MX2: variants seen among roughly 807,000 people sequenced by gnomAD.
MX2 encodes the protein MX dynamin like GTPase 2.
MX2 carries 51 observed loss-of-function variants against 74.0 expected under a neutral mutation model. The ratio of observed to expected loss-of-function variants is 0.69; its 90% CI spans 0.55 to 0.87. The LOEUF (loss-of-function observed/expected upper bound fraction) is 0.87, where lower values mean the gene tolerates loss of function less well. Among genes scored for constraint, MX2 ranks in the 40% least tolerant of loss-of-function variants. The pLI is 0.00. For missense variants in MX2, 832 were observed against 908.7 expected (o/e 0.92, Z 1.09); for synonymous variants, 369 against 339.3 (o/e 1.09, Z -0.96).
At position 41,406,818 on chromosome 21, in the gene MX2, G is replaced by A. The variant is rs2089892189; in HGVS notation, c.1725G>A (p.Glu575=). The A allele has an allele frequency of 6.2e-7, 1 of 1,614,242 alleles. No homozygotes were observed. The highest frequency in any genetic ancestry group is 8.5e-7 in the Non-Finnish European group (1 of 1,180,042). Residue 575 remains glutamate, a synonymous_variant, in exon 13 of 14, where the codon GAG becomes GAA. Transcript: ENST00000330714. ...TGATCCAACTTCAGTTCAGAATGGA[G>A]CAGATGGTTTTTTGTCAAGATCAGA... is the stretch of plus-strand genomic sequence containing the variant. The part of the protein sequence containing the change: ...ENMIQLQFRM[E]QMVFCQDQIY...
chr21:41,406,196 C>T (rs187302563), intron 12 of MX2, among the ~76,000 whole-genome samples: 1 of 152,274 alleles, frequency 6.6e-6, no homozygotes, highest in African/African-American at 2.4e-5. Flanking sequence ...CGATGTTGGC[C>T]AGGTTGGTCT....
At position 41,363,411 on chromosome 21, in the gene MX2, C is replaced by T. The variant is rs2089234098; in HGVS notation, c.-72+1356C>T. Reference sequence around the variant, plus strand: ...ACAGGTGTGAGTCCCTGCGTCTGGCCAGGATGTATGTGAGCTTTATTTAGG... The same window carrying T: ...ACAGGTGTGAGTCCCTGCGTCTGGCTAGGATGTATGTGAGCTTTATTTAGG... On this transcript the variant is annotated intron_variant, in intron 1 of 13. Transcript: ENST00000330714. The surrounding 1 kb of genome is among the most constrained non-coding windows in gnomAD (Gnocchi z 4.2). The T allele has an allele frequency of 1.3e-5, 2 of 152,116 alleles. No individual in the cohort carries two copies. Among genetic ancestry groups the T allele is most frequent in the East Asian group, 1.9e-4 (1 of 5,176 alleles). The allele number at this position is 152,116 out of a possible 1,614,324, so 9.4% of individuals were successfully genotyped here.
At chr21:41,376,271 C>T (rs898518111) in intron 1 of MX2, among the ~76,000 whole-genome samples, 9 of 152,278 alleles carry the variant, frequency 5.9e-5, no homozygotes, top group East Asian at 1.9e-4. Flanking sequence ...TGGTGGCTCA[C>T]GACTGTATTC....
chr21:41,396,511 C>A (rs1206343076), intron 7 of MX2, among the ~76,000 whole-genome samples: 1 of 151,950 alleles, frequency 6.6e-6, no homozygotes, highest in African/African-American at 2.4e-5. Context: ...AGTAGGTCTA[C>A]GGCTTGCTGA....
intron 8 of MX2, among the ~76,000 whole-genome samples, chr21:41,397,910 AG>A (rs1470268082): frequency 6.6e-6 from 1 of 152,130 alleles, no homozygotes; most frequent in African/African-American, 2.4e-5. Flanking sequence ...ATTGGTCAAC[AG>A]GGGGGAAAAA....
Position 41,377,852 on chromosome 21 carries a change from G to C in MX2, c.313G>C (p.Asp105His). Residue 105 changes from aspartate (D) to histidine (H), a missense_variant, in exon 3 of 14, where the codon GAC becomes CAC. Transcript: ENST00000330714. ...GGTGCGCCCCTGCATTGACCTCATCGACTCCCTGCGGGCTCTGGGTGTGGA... is the reference window on the plus strand; with the variant it reads ...GGTGCGCCCCTGCATTGACCTCATCCACTCCCTGCGGGCTCTGGGTGTGGA... ...QKVRPCIDLIDSLRALGVEQD... is the reference protein window; with the variant it reads ...QKVRPCIDLIHSLRALGVEQD... 2 of 1,614,194 alleles carry C rather than the reference G, an allele frequency of 1.2e-6. No individual in the cohort carries two copies. Among genetic ancestry groups the C allele is most frequent in the Non-Finnish European group, 1.7e-6 (2 of 1,180,030 alleles).
rs924013997 is a variant in MX2 at position 41,388,889 on chromosome 21, G to C, written c.733-1676G>C. On this transcript the variant is annotated intron_variant, in intron 5 of 13. Transcript: ENST00000330714. The surrounding 1 kb of genome is among the most constrained non-coding windows in gnomAD (Gnocchi z 4.0). The stretch of plus-strand genomic sequence containing the variant: ...AGGTAAGGGGTAGGGTTTGCTAGTG[G>C]TTTGGATGCTACCGGTATCCAGTGG... Among the ~76,000 whole-genome samples the C allele has an allele frequency of 1.3e-4, 20 of 152,172 alleles. No individual in the cohort carries two copies. The highest frequency in any genetic ancestry group is 2.4e-4 in the Non-Finnish European group (16 of 68,036).
intron 4 of MX2, among the ~76,000 whole-genome samples, chr21:41,381,136 C>A (rs17000851): frequency 0.02 from 3,061 of 152,292 alleles, 115 homozygotes; most frequent in African/African-American, 0.07. Context: ...CTCCAATTTC[C>A]GTGTTCACCC....
intron 8 of MX2, among the ~76,000 whole-genome samples, chr21:41,398,542 A>T (rs942680239): frequency 7.2e-5 from 11 of 152,236 alleles, no homozygotes; most frequent in Non-Finnish European, 1.5e-5. Context: ...ATGTACCCTT[A>T]GAGCAAAGAT....
Position 41,395,677 on chromosome 21 carries a change from G to A in MX2, c.962G>A (p.Gly321Asp). Reference sequence around the variant, plus strand: ...AACCTCACGTACCCCCTCAAGAAGGGCTACATGATTGTGAAGTGCCGGGGC... The same window carrying A: ...AACCTCACGTACCCCCTCAAGAAGGACTACATGATTGTGAAGTGCCGGGGC... ...VRNLTYPLKK[G>D]YMIVKCRGQQ... Residue 321 changes from glycine (G) to aspartate (D), a missense_variant, in exon 7 of 14, where the codon GGC becomes GAC. Transcript: ENST00000330714. 6.2e-7 allele frequency: 1 copy of A among 1,614,214 alleles called. No homozygotes were observed. Among genetic ancestry groups the A allele is most frequent in the South Asian group, 1.1e-5 (1 of 91,088 alleles).
chr21:41,405,949 C>T (rs2089880590), intron 12 of MX2, among the ~76,000 whole-genome samples: 1 of 152,076 alleles, frequency 6.6e-6, no homozygotes, highest in Non-Finnish European at 1.5e-5. Flanking sequence ...GGTGACCCAC[C>T]TGCCTCAGCC....
At chr21:41,384,525 T>C (rs2089543193) in intron 5 of MX2, among the ~76,000 whole-genome samples, 1 of 152,236 alleles carries the variant, frequency 6.6e-6, no homozygotes, top group African/African-American at 2.4e-5. Context: ...TTTCTCTACA[T>C]TCTTTTACTT....
At chr21:41,403,462 G>C in intron 12 of MX2, 119 bp downstream of exon 12, 1 of 945,320 alleles carries the variant, frequency 1.1e-6, no homozygotes, top group Non-Finnish European at 1.7e-6. Context: ...GCAGGCTGGC[G>C]AGGCTGGCAG....
chr21:41,382,760 G>T (rs1218531446), intron 5 of MX2, among the ~76,000 whole-genome samples, 196 bp downstream of exon 5: 7 of 152,196 alleles, frequency 4.6e-5, no homozygotes, highest in Non-Finnish European at 7.4e-5. Context: ...AAGAGAGTTG[G>T]ACTCCAGGGG....
rs1369216789 is a variant in MX2 at position 41,377,789 on chromosome 21, G to GT, written c.250_251insT (p.Gly84ValfsTer19). The GT allele has an allele frequency of 1.1e-5, 18 of 1,607,340 alleles. No homozygotes were observed. Among genetic ancestry groups the GT allele is most frequent in the Non-Finnish European group, 1.5e-5 (18 of 1,174,590 alleles). Reference sequence around the variant, plus strand: ...GTGGCATCTGTTCTGCCTTCTCCAGGGGCCCGAGAACAACCTGTACAGCCA... The same window carrying GT: ...GTGGCATCTGTTCTGCCTTCTCCAGGTGGCCCGAGAACAACCTGTACAGCCA... On this transcript the variant is annotated frameshift_variant and splice_region_variant, in exon 3 of 14. Coordinates refer to ENST00000330714, the MANE Select transcript of MX2 (RefSeq NM_002463.2). LOFTEE classifies it high-confidence loss of function.
At chr21:41,386,245 A>AAAAAC (rs2089575224) in intron 5 of MX2, among the ~76,000 whole-genome samples, 1 of 150,836 alleles carries the variant, frequency 6.6e-6, no homozygotes, top group African/African-American at 2.4e-5. Flanking sequence ...AAAAAAAAAA[A>AAAAAC]AAAACAAATC....
At chr21:41,407,926 C>G in intron 13 of MX2, 65 bp from the exon 14 acceptor site, 1 of 1,593,032 alleles carries the variant, frequency 6.3e-7, no homozygotes, top group Non-Finnish European at 8.6e-7. Flanking sequence ...TCCATGCCTT[C>G]TCTCTGCAAC....
At chr21:41,404,295 C>G (rs918973259) in intron 12 of MX2, 3 of 152,716 alleles carry the variant, frequency 2.0e-5, no homozygotes, top group African/African-American at 7.2e-5. Flanking sequence ...GCACACTGCC[C>G]TCAGCCACAA....
intron 10 of MX2, 178 bp from the exon 11 acceptor site, chr21:41,401,792 A>G: frequency 1.7e-6 from 1 of 576,380 alleles, no homozygotes; most frequent in Non-Finnish European, 2.9e-6. Flanking sequence ...CCCAAAAGTC[A>G]GTATTTCTTA....
Sources: gnomAD v4.1 joint callset for allele counts (sites outside exome capture counted in the v4.1 genomes callset) on GRCh38, gnomAD v4.1.1 for gene constraint, Gnocchi (gnomAD v3.1) non-coding constraint, MANE v1.5 for transcripts, NCBI Gene and HGNC (gene_info 2026-07-23, HGNC 2026-07-21) for gene names.